Variants in UNC13C observed in about 807,000 individuals in gnomAD.
UNC13C encodes the protein unc-13 homolog C.
A neutral mutation model predicts 245.4 loss-of-function variants in UNC13C; 174 were observed. That is an observed-to-expected ratio of 0.71 (90% CI 0.63 to 0.80). The LOEUF (loss-of-function observed/expected upper bound fraction) is 0.80. Ranked by LOEUF, UNC13C falls within the 30% of genes least tolerant of loss-of-function variation. The pLI is 0.00. For synonymous variants in UNC13C, 992 were observed against 895.1 expected, an observed-to-expected ratio of 1.11 and a Z score of -1.93; for missense variants, 2,829 against 2,602.9, an observed-to-expected ratio of 1.09 and a Z score of -1.89.
At position 54,555,450 on chromosome 15, in the gene UNC13C, G is replaced by A; in HGVS notation, c.5896G>A (p.Asp1966Asn). The change falls in exon 29 of 33, where the codon GAT becomes AAT. Residue 1966 changes from aspartate to asparagine, a missense_variant. Physicochemically the swap from Asp to Asn is conservative, Grantham distance 23 (BLOSUM62 1). Coordinates refer to ENST00000260323, the MANE Select transcript of UNC13C (RefSeq NM_001080534.3). ...TTTCCAGGAGCACATGATTCGAGAG[G>A]ATGCCAGGGGTCTGACGCCAAGACA... is the stretch of plus-strand genomic sequence containing the variant. ...SKLKEHMIRE[D>N]ARGLTPRQCA... 2 of 1,612,346 alleles carry A rather than the reference G, an allele frequency of 1.2e-6. No homozygotes were observed. The highest frequency in any genetic ancestry group is 1.1e-5 in the South Asian group (1 of 90,932).
chr15:54,113,637 TAATAC>T (rs2029993107), intron 2 of UNC13C, among the ~76,000 whole-genome samples: 3 of 151,998 alleles, frequency 2.0e-5, no homozygotes, highest in Non-Finnish European at 4.4e-5. Context: ...TCATCGTACC[TAATAC>T]TGTGAAACCC....
intron 2 of UNC13C, among the ~76,000 whole-genome samples, chr15:54,115,759 A>G (rs1032286817): frequency 7.9e-4 from 121 of 152,296 alleles, no homozygotes; most frequent in African/African-American, 2.7e-3. Flanking sequence ...ATTGATTACT[A>G]TATTCCTAGC....
rs117155042 is a variant in UNC13C, at chr15:54,077,249, A to G, written c.2983+61363A>G. The stretch of plus-strand genomic sequence containing the variant: ...TAAAAATGCATTCTTAATACAGATT[A>G]TTAAACATGTTTCTTATGGTGCATT... On this transcript the variant is annotated intron_variant, in intron 2 of 32. Coordinates refer to ENST00000260323, the MANE Select transcript of UNC13C (RefSeq NM_001080534.3). 2.8e-4 allele frequency among the ~76,000 whole-genome samples: 42 copies of G among 152,196 alleles called. No individual in the cohort carries two copies. In the East Asian group the frequency reaches 7.9e-3, roughly 29 times the overall value.
chr15:54,251,070 C>G (rs1046006020), intron 8 of UNC13C, among the ~76,000 whole-genome samples: 6 of 152,088 alleles, frequency 3.9e-5, no homozygotes, highest in Non-Finnish European at 8.8e-5. Context: ...TATCTATTTT[C>G]TTACTCATAC....
the UNC13C span, chr15:53,837,656 A>G: frequency 5.3e-5 from 8 of 152,180 alleles, no homozygotes; most frequent in African/African-American, 1.9e-4. Context: ...AGGCAGTAGT[A>G]GAGGTAAATG....
intron 18 of UNC13C, among the ~76,000 whole-genome samples, chr15:54,399,923 T>A (rs2040147338): frequency 6.6e-6 from 1 of 152,010 alleles, no homozygotes. Flanking sequence ...AAATTACTTT[T>A]ATATTTAAGA....
intron 10 of UNC13C, among the ~76,000 whole-genome samples, chr15:54,282,899 C>G (rs1328694601): frequency 6.6e-6 from 1 of 152,116 alleles, no homozygotes; most frequent in Non-Finnish European, 1.5e-5. Flanking sequence ...GGCCGTCTCT[C>G]CTCTACTGAC....
intron 1 of UNC13C, among the ~76,000 whole-genome samples, chr15:53,995,764 G>A (rs1405718521): frequency 6.6e-6 from 1 of 152,092 alleles, no homozygotes; most frequent in Non-Finnish European, 1.5e-5. Context: ...TGCAGTGATA[G>A]GTTGGAGAAG....
chr15:54,132,074 C>CTTTTTTTCTTT lies in UNC13C; in HGVS notation c.2984-10937_2984-10936insCTTTTTTTTTT, dbSNP rs533044534. On this transcript the variant is annotated intron_variant, in intron 2 of 32. Coordinates refer to ENST00000260323, the MANE Select transcript of UNC13C (RefSeq NM_001080534.3). ...ATTGCAATTCAGTTTTTTTCTTTTTCTTTTTTTTTTTTGACAGCGTCTTGC... is the reference window on the plus strand; with the variant it reads ...ATTGCAATTCAGTTTTTTTCTTTTTCTTTTTTTCTTTTTTTTTTTTTTTGACAGCGTCTTGC... Among the ~76,000 whole-genome samples the CTTTTTTTCTTT allele has an allele frequency of 6.3e-3, 693 of 110,646 alleles. 9 individuals are homozygous for CTTTTTTTCTTT. The highest frequency in any genetic ancestry group is 6.4e-3 in the Admixed American group (73 of 11,424). The allele number at this position is 110,646 out of a possible 152,430, so 72.6% of individuals were successfully genotyped here.
At chr15:54,302,016 G>A (rs2037597775) in intron 13 of UNC13C, among the ~76,000 whole-genome samples, 1 of 152,054 alleles carries the variant, frequency 6.6e-6, no homozygotes, top group African/African-American at 2.4e-5. Flanking sequence ...TTGTGGTTTT[G>A]ATTTGCATTT....
At chr15:54,466,923 A>C (rs1250384316) in intron 19 of UNC13C, among the ~76,000 whole-genome samples, 1 of 151,894 alleles carries the variant, frequency 6.6e-6, no homozygotes, top group East Asian at 1.9e-4. Context: ...TTGGGAAACT[A>C]ATATTTGATC....
chr15:54,383,656 G>A (rs1022030932), intron 17 of UNC13C, among the ~76,000 whole-genome samples: 2 of 152,100 alleles, frequency 1.3e-5, no homozygotes, highest in African/African-American at 4.8e-5. Context: ...CATGGTGCTG[G>A]AAGTCTTTGC....
chr15:53,931,405 G>T, the UNC13C span, among the ~76,000 whole-genome samples: 9 of 152,120 alleles, frequency 5.9e-5, no homozygotes, highest in African/African-American at 2.2e-4. Context: ...CTGACCTCAA[G>T]TGATCCACTC....
At chr15:53,840,533 A>G in the UNC13C span, among the ~76,000 whole-genome samples, 2 of 152,178 alleles carry the variant, frequency 1.3e-5, no homozygotes, top group African/African-American at 4.8e-5. Flanking sequence ...TTGAGCAGTC[A>G]TGAGGCAAAG....
Position 54,626,914 on chromosome 15 carries a change from T to C in UNC13C, c.6446T>C (p.Ile2149Thr), listed in dbSNP as rs1378594482. ...DYCFAREDRI[I>T]GMTVIQLQNI... is the part of the protein sequence containing the mutation. ...TGCTTTGCCAGAGAAGATCGAATTA[T>C]CGGAATGACAGTCATTCAGCTACAG... The change falls in exon 33 of 33, where the codon ATC becomes ACC. Residue 2149 changes from isoleucine (I) to threonine (T), a missense_variant. Ile to Thr is a moderately conservative substitution (Grantham distance 89). Transcript: ENST00000260323. 1 of 1,613,314 alleles carries C rather than the reference T, an allele frequency of 6.2e-7. No individual in the cohort carries two copies. The highest frequency in any genetic ancestry group is 8.5e-7 in the Non-Finnish European group (1 of 1,179,600).
the UNC13C span, among the ~76,000 whole-genome samples, chr15:53,880,958 A>T: frequency 6.6e-6 from 1 of 152,154 alleles, no homozygotes; most frequent in African/African-American, 2.4e-5. Flanking sequence ...AAGAGAGAAA[A>T]GAGCTGAATT....
At chr15:54,158,795 G>A (rs749275423) in intron 4 of UNC13C, among the ~76,000 whole-genome samples, 5 of 151,710 alleles carry the variant, frequency 3.3e-5, no homozygotes, top group Admixed American at 1.3e-4. Context: ...GACCACAGGC[G>A]CATGCTACCA....
chr15:54,526,830 A>G (rs912500841), intron 25 of UNC13C, among the ~76,000 whole-genome samples: 3 of 152,244 alleles, frequency 2.0e-5, no homozygotes, highest in African/African-American at 4.8e-5. Flanking sequence ...TGTTTTAGAA[A>G]GATCCACTAT....
the UNC13C span, among the ~76,000 whole-genome samples, chr15:53,851,896 G>A: frequency 6.6e-6 from 1 of 152,154 alleles, no homozygotes; most frequent in Non-Finnish European, 1.5e-5. Flanking sequence ...ACCTTCCCCT[G>A]TACCTCATCC....
Sources: gnomAD v4.1 joint callset for allele counts (sites outside exome capture counted in the v4.1 genomes callset) on GRCh38, gnomAD v4.1.1 for gene constraint, MANE v1.5 for transcripts, NCBI Gene and HGNC (gene_info 2026-07-23, HGNC 2026-07-21) for gene names.